RFTN1: variants seen among roughly 807,000 people sequenced by gnomAD.
RFTN1 encodes raftlin.
In RFTN1, 26 loss-of-function variants were observed where a neutral mutation model predicts 46.5. That is an observed-to-expected ratio of 0.56 (90% CI 0.41 to 0.78). The LOEUF (loss-of-function observed/expected upper bound fraction) is 0.78, where lower values mean the gene tolerates loss of function less well. Among genes scored for constraint, RFTN1 ranks in the 30% least tolerant of loss-of-function variants. The pLI is 0.00. For synonymous variants in RFTN1, 261 were observed against 284.2 expected (o/e 0.92, Z 0.82); for missense variants, 693 against 718.7 (o/e 0.96, Z 0.41).
At chr3:16,325,851 G>A (rs138158415) in intron 8 of RFTN1, among the ~76,000 whole-genome samples, 3,054 of 152,322 alleles carry the variant, frequency 0.02, 58 homozygotes, top group Middle Eastern at 0.044. Context: ...GCCCCATGCT[G>A]TCCATCACTC....
Position 16,370,035 on chromosome 3 carries a change from T to C in RFTN1, c.1030+41A>G, listed in dbSNP as rs1251446884. Reference sequence around the variant, plus strand: ...AAGATTTCAAGAGTTAGAAGCAGAGTTCACAAAGGGCCACCCAAGGACTGT... The same window carrying C: ...AAGATTTCAAGAGTTAGAAGCAGAGCTCACAAAGGGCCACCCAAGGACTGT... On this transcript the variant is annotated intron_variant, in intron 6 of 9. Coordinates refer to ENST00000334133, the MANE Select transcript of RFTN1 (RefSeq NM_015150.2). This position sits in a 1 kb window ranked among gnomAD's most constrained non-coding sequence, Gnocchi z 5.5. 4.4e-6 allele frequency: 7 copies of C among 1,581,860 alleles called. No individual in the cohort carries two copies. In the African/African-American group the frequency reaches 9.4e-5, roughly 21 times the overall value.
In RFTN1 at chr3:16,449,028, C is replaced by A. The variant is rs1193783928; in HGVS notation, c.146-14991G>T. ...TCCCTCACACACTTAATAAATGCAT[C>A]CGTGTGGTATTAATGTTTCAACTTA... On this transcript the variant is annotated intron_variant, in intron 2 of 9. Transcript: ENST00000334133. This position sits in a 1 kb window ranked among gnomAD's most constrained non-coding sequence, Gnocchi z 5.1. 6.6e-6 allele frequency among the ~76,000 whole-genome samples: 1 copy of A among 152,206 alleles called. No homozygotes were observed. The highest frequency in any genetic ancestry group is 1.5e-5 in the Non-Finnish European group (1 of 68,034).
rs1004690421 is a variant in RFTN1 at position 16,321,728 on chromosome 3, A to G, written c.1332+1648T>C. On this transcript the variant is annotated intron_variant, in intron 9 of 9. Transcript: ENST00000334133. The surrounding 1 kb of genome is among the most constrained non-coding windows in gnomAD (Gnocchi z 4.8). ...TGGAAAGAGAAAGCAGTCCACCCAGATGAGTACAGCTGCTTGGGATTAGAA... is the reference window on the plus strand; with the variant it reads ...TGGAAAGAGAAAGCAGTCCACCCAGGTGAGTACAGCTGCTTGGGATTAGAA... Among the ~76,000 whole-genome samples the G allele has an allele frequency of 2.6e-5, 4 of 152,226 alleles. No homozygotes were observed. The highest frequency in any genetic ancestry group is 6.5e-5 in the Admixed American group (1 of 15,288).
rs1356073397 is a variant in RFTN1 at position 16,344,535 on chromosome 3, G to A, written c.1146+13397C>T. On this transcript the variant is annotated intron_variant, in intron 7 of 9. Coordinates refer to ENST00000334133, the MANE Select transcript of RFTN1 (RefSeq NM_015150.2). The surrounding 1 kb of genome is among the most constrained non-coding windows in gnomAD (Gnocchi z 4.4). Reference sequence around the variant, plus strand: ...CTAGAATGCTTTATGTGGAGCCCAAGAGCATCCATGTTCTTATTCTTAGAT... The same window carrying A: ...CTAGAATGCTTTATGTGGAGCCCAAAAGCATCCATGTTCTTATTCTTAGAT... Among the ~76,000 whole-genome samples, 2 of 152,068 alleles carry A rather than the reference G, an allele frequency of 1.3e-5. No homozygotes were observed. Among genetic ancestry groups the A allele is most frequent in the East Asian group, 1.9e-4 (1 of 5,182 alleles).
chr3:16,393,294 G>A (rs937107561), intron 4 of RFTN1, among the ~76,000 whole-genome samples: 2 of 152,138 alleles, frequency 1.3e-5, no homozygotes, highest in African/African-American at 4.8e-5. Flanking sequence ...GAAGGAATCA[G>A]CCAAGCAGAT....
At chr3:16,408,861 A>C (rs752878196) in intron 4 of RFTN1, among the ~76,000 whole-genome samples, 15 of 151,926 alleles carry the variant, frequency 9.9e-5, no homozygotes, top group Non-Finnish European at 1.6e-4. Context: ...TCTGTAGTAA[A>C]TGTCATATTA....
intron 4 of RFTN1, among the ~76,000 whole-genome samples, chr3:16,397,498 G>A (rs556851191): frequency 4.6e-5 from 7 of 152,016 alleles, no homozygotes; most frequent in African/African-American, 7.3e-5. Context: ...CGCTCTTACC[G>A]CAAAAATGGT....
intron 6 of RFTN1, among the ~76,000 whole-genome samples, chr3:16,364,361 G>A (rs11916806): frequency 0.12 from 17,842 of 152,210 alleles, 1,393 homozygotes; most frequent in African/African-American, 0.22. Flanking sequence ...TTCATGTGGA[G>A]TTCAAGGGCC....
intron 4 of RFTN1, among the ~76,000 whole-genome samples, chr3:16,393,470 G>GATTTTAC (rs2074397324): frequency 6.6e-6 from 1 of 152,068 alleles, no homozygotes; most frequent in Admixed American, 6.6e-5. Flanking sequence ...TGATCTCCTG[G>GATTTTAC]ATTTTACCCC....
chr3:16,438,092 G>A (rs1250312967), intron 2 of RFTN1, among the ~76,000 whole-genome samples: 2 of 152,020 alleles, frequency 1.3e-5, no homozygotes, highest in Admixed American at 6.5e-5. Flanking sequence ...GTGAGTCATC[G>A]AATATGGGCC....
intron 4 of RFTN1, among the ~76,000 whole-genome samples, chr3:16,389,513 C>G (rs558281665): frequency 1.4e-4 from 21 of 151,922 alleles, no homozygotes; most frequent in Non-Finnish European, 2.2e-4. Context: ...AGGGAAGGAA[C>G]AGCTTTGCAT....
intron 4 of RFTN1, among the ~76,000 whole-genome samples, chr3:16,390,655 CA>C (rs1378740586): frequency 1.3e-5 from 2 of 152,202 alleles, no homozygotes; most frequent in Non-Finnish European, 2.9e-5. Flanking sequence ...TCCCAGGCAC[CA>C]TCAGAGTCAG....
At chr3:16,453,054 A>G (rs957061242) in intron 2 of RFTN1, among the ~76,000 whole-genome samples, 1 of 152,214 alleles carries the variant, frequency 6.6e-6, no homozygotes, top group Non-Finnish European at 1.5e-5. Context: ...ATTGTTTTAT[A>G]TGCTTTACAA....
chr3:16,318,564 C>T (rs569204061), intron 9 of RFTN1, among the ~76,000 whole-genome samples: 9 of 152,256 alleles, frequency 5.9e-5, no homozygotes, highest in East Asian at 1.9e-4. Flanking sequence ...TCTGTTTCCT[C>T]AGATAAAACA....
chr3:16,330,334 C>A (rs2070186615), intron 7 of RFTN1, among the ~76,000 whole-genome samples: 1 of 152,138 alleles, frequency 6.6e-6, no homozygotes, highest in Non-Finnish European at 1.5e-5. Context: ...CTATCACAGC[C>A]CGTTTGCATA....
At position 16,322,957 on chromosome 3, in the gene RFTN1, C is replaced by T. The variant is rs1177483017; in HGVS notation, c.1332+419G>A. ...GCTTAGATCCCCACACTTTTAATGT[C>T]CTAAGGAATCTTAACAGGGCAGGCC... On this transcript the variant is annotated intron_variant, in intron 9 of 9. Coordinates refer to ENST00000334133, the MANE Select transcript of RFTN1 (RefSeq NM_015150.2). This position sits in a 1 kb window ranked among gnomAD's most constrained non-coding sequence, Gnocchi z 6.2. Among the ~76,000 whole-genome samples the T allele has an allele frequency of 2.0e-5, 3 of 152,110 alleles. No individual in the cohort carries two copies. The highest frequency in any genetic ancestry group is 1.9e-4 in the East Asian group (1 of 5,186).
Position 16,425,460 on chromosome 3 carries a change from C to G in RFTN1, c.332+8391G>C, listed in dbSNP as rs770712074. On this transcript the variant is annotated intron_variant, in intron 3 of 9. Transcript: ENST00000334133. The surrounding 1 kb of genome is among the most constrained non-coding windows in gnomAD (Gnocchi z 4.3). ...AATCACTAGTGTGCTAATTCTCTCT[C>G]TCAGAAGAAACAAACAAACAAAAAA... 6.6e-6 allele frequency among the ~76,000 whole-genome samples: 1 copy of G among 151,392 alleles called. No homozygotes were observed. The highest frequency in any genetic ancestry group is 1.5e-5 in the Non-Finnish European group (1 of 68,024).
rs981890874 is a variant in RFTN1, at chr3:16,337,119, G to GC, written c.1147-10244dup. The GC allele has an allele frequency of 1.3e-5, 2 of 152,270 alleles. No homozygotes were observed. Among genetic ancestry groups the GC allele is most frequent in the African/African-American group, 4.8e-5 (2 of 41,460 alleles). 9.4% of individuals were successfully genotyped at this position (152,270 alleles called of 1,614,324 possible). A position where few individuals can be genotyped will look rare whatever the true frequency, so the allele number is the denominator to read the frequency against. On this transcript the variant is annotated intron_variant, in intron 7 of 9. Transcript: ENST00000334133. The surrounding 1 kb of genome is among the most constrained non-coding windows in gnomAD (Gnocchi z 5.0). ...TTTCTGCTCACTCTCCAGGAACCCT[G>GC]CCTACGCCATGAGGACAGGCCCAGG...
intron 2 of RFTN1, among the ~76,000 whole-genome samples, chr3:16,464,490 C>T (rs934267886): frequency 2.0e-5 from 3 of 152,276 alleles, no homozygotes; most frequent in African/African-American, 4.8e-5. Context: ...TCAAACTACC[C>T]AATCCTAGCC....
Sources: gnomAD v4.1 joint callset for allele counts (sites outside exome capture counted in the v4.1 genomes callset) on GRCh38, gnomAD v4.1.1 for gene constraint, Gnocchi (gnomAD v3.1) non-coding constraint, MANE v1.5 for transcripts, NCBI Gene and HGNC (gene_info 2026-07-23, HGNC 2026-07-21) for gene names.